The following DNAH7 variants were observed in gnomAD, a reference collection of about 807,000 sequenced individuals.
DNAH7 encodes the protein dynein axonemal heavy chain 7.
DNAH7 carries 397 observed loss-of-function variants against 444.6 expected under a neutral mutation model. The ratio of observed to expected loss-of-function variants is 0.89; its 90% CI spans 0.82 to 0.97. The LOEUF is 0.97. DNAH7 is among the 50% of genes least tolerant of loss of function. The probability of loss-of-function intolerance (pLI) is 0.00; values close to 1 mark genes in which losing one functional copy is unlikely to be tolerated. For missense variants in DNAH7, 4,902 were observed against 4,800.8 expected (o/e 1.02, Z -0.62); for synonymous variants, 1,636 against 1,624.4 (o/e 1.01, Z -0.17).
rs1352506512 is a variant in DNAH7, at chr2:195,895,374, G to A, written c.4648-150C>T. On this transcript the variant is annotated intron_variant, in intron 29 of 64. Transcript: ENST00000312428. ...AGGAATAGTTCACATACGCAAACGTGTATTTTTTTCTTTTTTTCAATTTTT... is the reference window on the plus strand; with the variant it reads ...AGGAATAGTTCACATACGCAAACGTATATTTTTTTCTTTTTTTCAATTTTT... The A allele has an allele frequency of 7.9e-6, 4 of 509,508 alleles. No individual in the cohort carries two copies. The East Asian group carries it at 1.4e-4, about 18-fold the overall frequency. 31.6% of individuals were successfully genotyped at this position (509,508 alleles called of 1,614,324 possible).
At chr2:195,772,825 G>A (rs1694903811) in intron 60 of DNAH7, among the ~76,000 whole-genome samples, 2 of 145,846 alleles carry the variant, frequency 1.4e-5, no homozygotes. Flanking sequence ...CTGTTGCCCA[G>A]GCTGGAGTGC....
At chr2:195,991,841 CA>C (rs1693360938) in intron 12 of DNAH7, among the ~76,000 whole-genome samples, 1 of 152,190 alleles carries the variant, frequency 6.6e-6, no homozygotes, top group Admixed American at 6.5e-5. Flanking sequence ...CTTACTAACT[CA>C]CTTTGTGGGC....
chr2:195,739,220 C>T (rs1408102499), intron 64 of DNAH7, among the ~76,000 whole-genome samples: 1 of 152,152 alleles, frequency 6.6e-6, no homozygotes, highest in African/African-American at 2.4e-5. Context: ...TTTATTTGTC[C>T]TTGAAACTTT....
chr2:195,888,493 T>G (rs1159101349), intron 32 of DNAH7, 59 bp from the exon 33 acceptor site: 3 of 1,487,954 alleles, frequency 2.0e-6, no homozygotes, highest in Non-Finnish European at 2.7e-6. Context: ...AAATATGATT[T>G]GGCACCTCTG....
intron 19 of DNAH7, among the ~76,000 whole-genome samples, chr2:195,948,692 T>C (rs2125467296): frequency 6.6e-6 from 1 of 152,384 alleles, no homozygotes; most frequent in East Asian, 1.9e-4. Flanking sequence ...TCGGTTACTG[T>C]AGCCTTGTAG....
At chr2:195,971,840 G>A (rs1167054136) in intron 16 of DNAH7, among the ~76,000 whole-genome samples, 1 of 152,090 alleles carries the variant, frequency 6.6e-6, no homozygotes, top group Non-Finnish European at 1.5e-5. Flanking sequence ...GCTCATGAGA[G>A]TGAGCAATTA....
intron 22 of DNAH7, among the ~76,000 whole-genome samples, chr2:195,925,298 G>A (rs1255761382): frequency 6.6e-6 from 1 of 152,206 alleles, no homozygotes; most frequent in Non-Finnish European, 1.5e-5. Context: ...GGAGATCCCA[G>A]GAGGCTGCAC....
chr2:195,976,788 A>AGAGAGAGAGAGAGAGAGG (rs1559295144), intron 15 of DNAH7, among the ~76,000 whole-genome samples: 1 of 144,374 alleles, frequency 6.9e-6, no homozygotes, highest in Non-Finnish European at 1.5e-5. Context: ...AGAGAGAGAG[A>AGAGAGAGAGAGAGAGAGG]CTCTCTAATT....
intron 58 of DNAH7, among the ~76,000 whole-genome samples, chr2:195,780,279 T>C (rs1234458287): frequency 1.3e-5 from 2 of 152,142 alleles, no homozygotes; most frequent in Non-Finnish European, 2.9e-5. Flanking sequence ...TTTTATAAAT[T>C]ATTCACTCTG....
At chr2:195,883,336 A>G (rs1701518184) in intron 35 of DNAH7, among the ~76,000 whole-genome samples, 1 of 151,934 alleles carries the variant, frequency 6.6e-6, no homozygotes, top group Non-Finnish European at 1.5e-5. Flanking sequence ...AGTCCCAGCT[A>G]CTCGGAGAGG....
At chr2:195,981,390 T>C (rs1039900207) in intron 15 of DNAH7, among the ~76,000 whole-genome samples, 1 of 152,016 alleles carries the variant, frequency 6.6e-6, no homozygotes, top group African/African-American at 2.4e-5. Flanking sequence ...GAATCCAATA[T>C]TGTTAAAATG....
chr2:195,926,389 A>T (rs778071053), intron 22 of DNAH7, 37 bp downstream of exon 22: 1 of 1,454,632 alleles, frequency 6.9e-7, no homozygotes, highest in East Asian at 2.6e-5. Context: ...CTATTGAAAA[A>T]ATGCTTAAAA....
chr2:195,860,575 C>A (rs1301298927), intron 42 of DNAH7, among the ~76,000 whole-genome samples: 1 of 151,760 alleles, frequency 6.6e-6, no homozygotes, highest in Non-Finnish European at 1.5e-5. Flanking sequence ...GAGGGCACAG[C>A]AATAGTTACT....
rs775172924 is a variant in DNAH7, at chr2:195,881,984, TCCTATTC to T, written c.5765_5771del (p.Gly1922GlufsTer7). 3.1e-6 allele frequency: 5 copies of T among 1,613,238 alleles called. No homozygotes were observed. The highest frequency in any genetic ancestry group is 3.4e-6 in the Non-Finnish European group (4 of 1,179,502). On this transcript the variant is annotated frameshift_variant and splice_region_variant, in exon 36 of 65. Transcript: ENST00000312428. LOFTEE classifies it high-confidence loss of function. The stretch of plus-strand genomic sequence containing the variant: ...ATTTCTTTATCCATGGTTCCCATTT[TCCTATTC>T]CCTGTTTATAATTAACAACCAAGTA...
chr2:195,874,784 T>C (rs935173830), intron 38 of DNAH7, among the ~76,000 whole-genome samples: 1 of 152,120 alleles, frequency 6.6e-6, no homozygotes, highest in Non-Finnish European at 1.5e-5. Context: ...ATCACACCAC[T>C]GCACCCCACC....
chr2:195,874,195 TA>T (rs1700890485), intron 38 of DNAH7, among the ~76,000 whole-genome samples: 1 of 152,186 alleles, frequency 6.6e-6, no homozygotes, highest in Admixed American at 6.5e-5. Context: ...AAGACGAGTC[TA>T]TACAGTTCAT....
At chr2:195,882,612 T>A (rs1045376186) in intron 35 of DNAH7, among the ~76,000 whole-genome samples, 7 of 152,246 alleles carry the variant, frequency 4.6e-5, no homozygotes, top group Non-Finnish European at 7.3e-5. Flanking sequence ...GTTAACATTG[T>A]GCCATATCTT....
In DNAH7 at chr2:195,906,911, T is replaced by C. The variant is rs1687061503; in HGVS notation, c.4203A>G (p.Gln1401=). 1.2e-6 allele frequency: 2 copies of C among 1,612,818 alleles called. No individual in the cohort carries two copies. Among genetic ancestry groups the C allele is most frequent in the Non-Finnish European group, 1.7e-6 (2 of 1,179,318 alleles). The change falls in exon 26 of 65, where the codon CAA becomes CAG. Residue 1401 remains glutamine (Q), a synonymous_variant. Transcript: ENST00000312428. ...AAAGACAAACTAGTCCATTACCTCT[T>C]TGGATAGTAAGGATTTGTTGAGCAA... ...SVVAQQILTI[Q]RGINAGADIL...
chr2:195,740,674 T>G, intron 64 of DNAH7, 92 bp downstream of exon 64: 1 of 248,212 alleles, frequency 4.0e-6, no homozygotes. Context: ...TGTATACACA[T>G]ATATACACAC....
Sources: allele counts gnomAD v4.1 joint callset (sites outside exome capture counted in the v4.1 genomes callset), GRCh38; gene constraint gnomAD v4.1.1; transcripts MANE v1.5; gene names NCBI Gene and HGNC (gene_info 2026-07-23, HGNC 2026-07-21).